The following AOPEP variants were observed in gnomAD, a reference collection of about 807,000 sequenced individuals.
AOPEP encodes the protein aminopeptidase O (putative).
A neutral mutation model predicts 98.1 loss-of-function variants in AOPEP; 77 were observed. The ratio of observed to expected loss-of-function variants is 0.78; its 90% CI spans 0.65 to 0.95. The LOEUF (loss-of-function observed/expected upper bound fraction) is 0.95, where lower values mean the gene tolerates loss of function less well. Among genes scored for constraint, AOPEP ranks in the 40% least tolerant of loss-of-function variants. The pLI, the probability that AOPEP is intolerant of heterozygous loss-of-function variation, is 0.00. For synonymous variants in AOPEP, 346 were observed against 365.3 expected, an observed-to-expected ratio of 0.95 and a Z score of 0.60; for missense variants, 1,024 against 1,024.7, an observed-to-expected ratio of 1.00 and a Z score of 0.01.
chr9:95,016,690 G>C (rs1438479021), intron 13 of AOPEP, among the ~76,000 whole-genome samples: 1 of 151,034 alleles, frequency 6.6e-6, no homozygotes, highest in African/African-American at 2.4e-5. Flanking sequence ...ATGGCTCACT[G>C]TAAGCTCAAA....
chr9:94,905,510 A>G (rs192631145), intron 5 of AOPEP, among the ~76,000 whole-genome samples: 1 of 152,278 alleles, frequency 6.6e-6, no homozygotes, highest in African/African-American at 2.4e-5. Flanking sequence ...TTCAAATTCT[A>G]GTTTTATCAA....
At chr9:95,075,936 G>A (rs557997193) in intron 14 of AOPEP, among the ~76,000 whole-genome samples, 160 of 152,304 alleles carry the variant, frequency 1.1e-3, no homozygotes, top group Non-Finnish European at 1.9e-3. Context: ...AAGCTGCCCC[G>A]ATGGGGATGG....
chr9:94,924,915 A>C (rs147989742), intron 6 of AOPEP, among the ~76,000 whole-genome samples: 1 of 152,358 alleles, frequency 6.6e-6, no homozygotes, highest in African/African-American at 2.4e-5. Flanking sequence ...CCTCTACCTT[A>C]AAGCATTGGC....
At chr9:94,917,237 C>T (rs960117340) in intron 5 of AOPEP, among the ~76,000 whole-genome samples, 10 of 151,514 alleles carry the variant, frequency 6.6e-5, no homozygotes, top group African/African-American at 2.4e-4. Context: ...TGGTCAGTAG[C>T]TGAGCCTTCT....
chr9:95,111,327 T>A, the AOPEP span: 1 of 1,597,080 alleles, frequency 6.3e-7, no homozygotes, highest in South Asian at 1.1e-5. Context: ...TGCCTGCAGG[T>A]TGCCATGACA....
chr9:94,848,698 A>G (rs72746592), intron 5 of AOPEP, among the ~76,000 whole-genome samples: 6 of 152,274 alleles, frequency 3.9e-5, no homozygotes, highest in Non-Finnish European at 7.4e-5. Context: ...AGATGGTTGT[A>G]ACTGCTGCAC....
intron 1 of AOPEP, among the ~76,000 whole-genome samples, chr9:94,746,255 C>G (rs914385282): frequency 6.6e-6 from 1 of 152,126 alleles, no homozygotes; most frequent in Non-Finnish European, 1.5e-5. Context: ...GGTATCATGT[C>G]ATGGTTACTT....
the AOPEP span, among the ~76,000 whole-genome samples, chr9:95,116,254 G>C: frequency 2.0e-5 from 3 of 152,186 alleles, no homozygotes; most frequent in African/African-American, 7.2e-5. Context: ...CTAAGCGTAA[G>C]GTGAACCCTG....
chr9:95,110,725 CT>C, the AOPEP span: 2 of 750,062 alleles, frequency 2.7e-6, no homozygotes, highest in African/African-American at 1.9e-5. Flanking sequence ...TCCTCTTTAA[CT>C]ACTAAGATCA....
chr9:94,982,248 G>A (rs528933911), intron 11 of AOPEP, among the ~76,000 whole-genome samples: 1 of 152,150 alleles, frequency 6.6e-6, no homozygotes, highest in South Asian at 2.1e-4. Context: ...ATTGTTCTGG[G>A]TATATAAATA....
chr9:95,011,453 C>T (rs2062512897), intron 13 of AOPEP, among the ~76,000 whole-genome samples: 2 of 152,096 alleles, frequency 1.3e-5, no homozygotes, highest in African/African-American at 4.8e-5. Context: ...CCGCCCACCT[C>T]GGCCTCCCAA....
chr9:94,845,301 C>A (rs1469077650), intron 5 of AOPEP, among the ~76,000 whole-genome samples: 2 of 152,188 alleles, frequency 1.3e-5, no homozygotes, highest in African/African-American at 4.8e-5. Flanking sequence ...GCTGGGAGAA[C>A]TGCAGGAAGG....
At chr9:95,029,940 G>GATTTT (rs1287793453) in intron 13 of AOPEP, among the ~76,000 whole-genome samples, 5 of 152,140 alleles carry the variant, frequency 3.3e-5, no homozygotes, top group South Asian at 2.1e-4. Flanking sequence ...TTGAAATCTG[G>GATTTT]ATTTGAGTGC....
At chr9:94,984,924 T>C (rs1200297599) in intron 11 of AOPEP, among the ~76,000 whole-genome samples, 1 of 152,210 alleles carries the variant, frequency 6.6e-6, no homozygotes, top group Admixed American at 6.5e-5. Context: ...AATCCACAGG[T>C]ACGGGGCGGG....
intron 13 of AOPEP, among the ~76,000 whole-genome samples, chr9:95,026,239 T>C (rs935830242): frequency 1.3e-5 from 2 of 152,164 alleles, no homozygotes; most frequent in African/African-American, 4.8e-5. Flanking sequence ...CCATAAACAA[T>C]TCACTGATTT....
intron 5 of AOPEP, among the ~76,000 whole-genome samples, chr9:94,872,388 A>G (rs1382126610): frequency 6.6e-6 from 1 of 152,194 alleles, no homozygotes; most frequent in Non-Finnish European, 1.5e-5. Flanking sequence ...TCAGAGAATT[A>G]CATGGCAAAA....
the AOPEP span, among the ~76,000 whole-genome samples, chr9:95,106,568 T>C: frequency 6.6e-5 from 10 of 152,256 alleles, no homozygotes; most frequent in African/African-American, 2.4e-4. Flanking sequence ...GTGCTCACTT[T>C]TGACTTGGAC....
chr9:95,048,650 A>G (rs1001448770), intron 13 of AOPEP: 1 of 152,112 alleles, frequency 6.6e-6, no homozygotes, highest in African/African-American at 2.4e-5. Context: ...CCCAGGTGAC[A>G]CGCAGGGACG....
intron 13 of AOPEP, chr9:95,022,154 G>A (rs1201103339): frequency 6.6e-6 from 1 of 152,178 alleles, no homozygotes; most frequent in African/African-American, 2.4e-5. Flanking sequence ...CAGAGAAAGA[G>A]AGGAGGCATA....
Sources: allele counts gnomAD v4.1 joint callset (sites outside exome capture counted in the v4.1 genomes callset), GRCh38; gene constraint gnomAD v4.1.1; transcripts MANE v1.5; gene names NCBI Gene and HGNC (gene_info 2026-07-23, HGNC 2026-07-21).